The following WWOX variants were observed in gnomAD, a reference collection of about 807,000 sequenced individuals.
WWOX encodes WW domain-containing oxidoreductase.
A neutral mutation model predicts 46.2 loss-of-function variants in WWOX; 69 were observed. The ratio of observed to expected loss-of-function variants is 1.49; its 90% confidence interval spans 1.23 to 1.82. WWOX has a LOEUF of 1.82. Among genes scored for constraint, WWOX ranks in the 40% most tolerant of loss-of-function variants. WWOX has a pLI of 0.00. For synonymous variants in WWOX, 359 were observed against 202.6 expected (o/e 1.77, Z -6.56); for missense variants, 919 against 542.6 (o/e 1.69, Z -6.89).
intron 5 of WWOX, among the ~76,000 whole-genome samples, chr16:78,275,247 A>T (rs944625250): frequency 6.6e-6 from 1 of 152,106 alleles, no homozygotes; most frequent in Non-Finnish European, 1.5e-5. Flanking sequence ...TCGCATAAAA[A>T]CCTGGATTCT....
At chr16:78,208,027 G>A (rs1275180635) in intron 5 of WWOX, among the ~76,000 whole-genome samples, 1 of 152,118 alleles carries the variant, frequency 6.6e-6, no homozygotes, top group East Asian at 1.9e-4. Context: ...TGGCCAGGCT[G>A]GTCTCGGACT....
intron 8 of WWOX, among the ~76,000 whole-genome samples, chr16:79,028,401 G>A (rs769922433): frequency 1.3e-5 from 2 of 151,804 alleles, no homozygotes; most frequent in Non-Finnish European, 2.9e-5. Flanking sequence ...TGTTTTCACA[G>A]AAACATGAGG....
intron 8 of WWOX, among the ~76,000 whole-genome samples, chr16:78,726,306 C>T (rs565112143): frequency 6.6e-6 from 1 of 151,746 alleles, no homozygotes; most frequent in Admixed American, 6.6e-5. Context: ...TTCACTGCAG[C>T]CTCAACCTCC....
At chr16:78,932,914 A>T (rs866802488) in intron 8 of WWOX, among the ~76,000 whole-genome samples, 3 of 152,150 alleles carry the variant, frequency 2.0e-5, no homozygotes, top group South Asian at 4.1e-4. Context: ...TTAGGAGGAG[A>T]ACATAGTCCA....
intron 8 of WWOX, among the ~76,000 whole-genome samples, chr16:78,977,405 C>G (rs1264755528): frequency 6.6e-6 from 1 of 152,126 alleles, no homozygotes; most frequent in East Asian, 1.9e-4. Context: ...TGGGGTGGCA[C>G]TCTTTATTCT....
intron 8 of WWOX, among the ~76,000 whole-genome samples, chr16:78,939,396 C>T (rs952275375): frequency 1.3e-5 from 2 of 152,146 alleles, no homozygotes; most frequent in African/African-American, 2.4e-5. Flanking sequence ...TCTTTTTGTG[C>T]ATTACTTTTG....
At chr16:78,673,310 C>G (rs1451133499) in intron 8 of WWOX, among the ~76,000 whole-genome samples, 1 of 152,172 alleles carries the variant, frequency 6.6e-6, no homozygotes, top group African/African-American at 2.4e-5. Flanking sequence ...ATGCCCTGCC[C>G]CAGTCTCTTT....
intron 8 of WWOX, among the ~76,000 whole-genome samples, chr16:78,783,201 T>C (rs1241586997): frequency 6.6e-6 from 1 of 152,250 alleles, no homozygotes; most frequent in Non-Finnish European, 1.5e-5. Context: ...TAATTGGAGA[T>C]ACATGCACCA....
At chr16:79,019,188 A>AG (rs1555512815) in intron 8 of WWOX, among the ~76,000 whole-genome samples, 115 of 60,900 alleles carry the variant, frequency 1.9e-3, no homozygotes, top group African/African-American at 6.7e-3. Context: ...AAAAAAAAGA[A>AG]AAAAAAAAGT....
chr16:78,694,787 C>G (rs16948339), intron 8 of WWOX, among the ~76,000 whole-genome samples: 2,178 of 152,146 alleles, frequency 0.014, 51 homozygotes, highest in African/African-American at 0.049. Context: ...AGTTACTCTT[C>G]CTGCTCTTGA....
intron 5 of WWOX, among the ~76,000 whole-genome samples, chr16:78,218,701 A>G (rs1363237530): frequency 1.3e-5 from 2 of 152,226 alleles, no homozygotes; most frequent in Non-Finnish European, 2.9e-5. Context: ...AAGTAGGGAA[A>G]GCACGACTTT....
chr16:79,033,097 A>T (rs1360874721), intron 8 of WWOX, among the ~76,000 whole-genome samples: 1 of 149,908 alleles, frequency 6.7e-6, no homozygotes, highest in Non-Finnish European at 1.5e-5. Flanking sequence ...AAAGGACATG[A>T]TCTCATTATT....
intron 6 of WWOX, among the ~76,000 whole-genome samples, chr16:78,394,764 A>G (rs536598004): frequency 1.3e-5 from 2 of 152,310 alleles, no homozygotes; most frequent in East Asian, 3.9e-4. Flanking sequence ...TTGCAATAAA[A>G]CTTTACAAAA....
Position 78,867,082 on chromosome 16 carries a change from G to T in WWOX, c.1057-344526G>T, listed in dbSNP as rs969857512. On this transcript the variant is annotated intron_variant, in intron 8 of 8. Transcript: ENST00000566780. ...TGAGGAAGTATTCACAATTGGAGAA[G>T]GGCGCCTTCTGTTATGTTCTTAGCT... Among the ~76,000 whole-genome samples, 4 of 152,188 alleles carry T rather than the reference G, an allele frequency of 2.6e-5. No homozygotes were observed. In the South Asian group the frequency reaches 8.3e-4, roughly 32 times the overall value.
At chr16:78,557,173 T>G (rs1378549385) in intron 8 of WWOX, among the ~76,000 whole-genome samples, 1 of 152,204 alleles carries the variant, frequency 6.6e-6, no homozygotes, top group African/African-American at 2.4e-5. Flanking sequence ...ATTTTGCCTC[T>G]GCTTGTTTCT....
At chr16:78,467,562 C>G (rs897237788) in intron 8 of WWOX, among the ~76,000 whole-genome samples, 3 of 152,134 alleles carry the variant, frequency 2.0e-5, no homozygotes, top group African/African-American at 7.2e-5. Flanking sequence ...CTTGAATGGT[C>G]TTTTGTAAAA....
chr16:78,863,469 T>C (rs1053810119), intron 8 of WWOX, among the ~76,000 whole-genome samples: 2 of 152,186 alleles, frequency 1.3e-5, no homozygotes, highest in African/African-American at 4.8e-5. Context: ...GTACTTGTCT[T>C]TCATCAGAGA....
intron 5 of WWOX, among the ~76,000 whole-genome samples, chr16:78,373,363 C>G (rs543784098): frequency 6.6e-5 from 10 of 152,228 alleles, no homozygotes; most frequent in Admixed American, 4.6e-4. Context: ...TGTATTGTCC[C>G]CTAGGAACTT....
intron 8 of WWOX, among the ~76,000 whole-genome samples, chr16:78,611,814 A>G (rs147417744): frequency 7.2e-5 from 11 of 152,354 alleles, no homozygotes; most frequent in Admixed American, 6.5e-4. Flanking sequence ...CAAGGAAAGG[A>G]AAAAGAACAG....
Sources: allele counts gnomAD v4.1 joint callset (sites outside exome capture counted in the v4.1 genomes callset), GRCh38; gene constraint gnomAD v4.1.1; transcripts MANE v1.5; gene names NCBI Gene and HGNC (gene_info 2026-07-23, HGNC 2026-07-21).